The following CCSER1 variants were observed in gnomAD, a reference collection of about 807,000 sequenced individuals.
CCSER1 encodes the protein serine-rich coiled-coil domain-containing protein 1.
A neutral mutation model predicts 82.0 loss-of-function variants in CCSER1; 41 were observed. That is an observed-to-expected ratio of 0.50 (90% confidence interval 0.39 to 0.65). The LOEUF (loss-of-function observed/expected upper bound fraction) is 0.65, where lower values mean the gene tolerates loss of function less well. Ranked by LOEUF, CCSER1 falls within the 30% of genes least tolerant of loss-of-function variation. CCSER1 has a pLI of 0.00. For missense variants in CCSER1, 1,119 were observed against 1,064.2 expected, an observed-to-expected ratio of 1.05 and a Z score of -0.72; for synonymous variants, 414 against 383.9, an observed-to-expected ratio of 1.08 and a Z score of -0.92.
chr4:90,402,677 C>G lies in CCSER1; in HGVS notation c.1603+2548C>G, dbSNP rs533008942. Among the ~76,000 whole-genome samples, 132 of 152,234 alleles carry G rather than the reference C, an allele frequency of 8.7e-4. 1 individual carries two copies. Among genetic ancestry groups the G allele is most frequent in the Admixed American group, 2.6e-4 (4 of 15,294 alleles). On this transcript the variant is annotated intron_variant, in intron 4 of 10. Coordinates refer to ENST00000509176, the MANE Select transcript of CCSER1 (RefSeq NM_001145065.2). ...AACACTACAGTTAACATAGCAGTCT[C>G]AATTATGTTTGGTAGTCAACCACAA... is the stretch of plus-strand genomic sequence containing the variant.
intron 10 of CCSER1, among the ~76,000 whole-genome samples, chr4:91,155,138 G>A (rs767086188): frequency 1.3e-5 from 2 of 151,804 alleles, no homozygotes; most frequent in Non-Finnish European, 2.9e-5. Context: ...ATTTGGAAAT[G>A]TGATATGGTT....
At chr4:91,169,512 T>G (rs1732533852) in intron 10 of CCSER1, among the ~76,000 whole-genome samples, 1 of 152,106 alleles carries the variant, frequency 6.6e-6, no homozygotes, top group South Asian at 2.1e-4. Context: ...TCCCAGCTAC[T>G]CAGGAGGCTG....
intron 10 of CCSER1, among the ~76,000 whole-genome samples, chr4:91,517,745 C>CATGTGTGT (rs1491400951): frequency 8.3e-6 from 1 of 121,086 alleles, no homozygotes; most frequent in African/African-American, 3.3e-5. Flanking sequence ...AGTTCTTTCT[C>CATGTGTGT]GTGTGTGTGT....
intron 10 of CCSER1, among the ~76,000 whole-genome samples, chr4:91,331,390 C>G (rs746191804): frequency 6.6e-6 from 1 of 151,976 alleles, no homozygotes; most frequent in Non-Finnish European, 1.5e-5. Flanking sequence ...TGTAAGAAAC[C>G]CCTAAGGTAT....
chr4:91,393,290 G>C (rs1052591970), intron 10 of CCSER1, among the ~76,000 whole-genome samples: 1 of 151,832 alleles, frequency 6.6e-6, no homozygotes, highest in African/African-American at 2.4e-5. Context: ...ATAAAAATTA[G>C]AAAAGAATAT....
chr4:90,836,932 G>A (rs1761876722), intron 8 of CCSER1, among the ~76,000 whole-genome samples: 1 of 152,208 alleles, frequency 6.6e-6, no homozygotes, highest in East Asian at 1.9e-4. Flanking sequence ...ATGTACCAGT[G>A]TGGCATTTGC....
At chr4:90,700,559 G>T (rs1459848656) in intron 6 of CCSER1, among the ~76,000 whole-genome samples, 3 of 151,880 alleles carry the variant, frequency 2.0e-5, no homozygotes, top group Non-Finnish European at 2.9e-5. Context: ...TTGAGGAATT[G>T]CCACACTGTC....
intron 5 of CCSER1, among the ~76,000 whole-genome samples, chr4:90,591,443 A>G (rs938689196): frequency 6.6e-6 from 1 of 152,182 alleles, no homozygotes; most frequent in Non-Finnish European, 1.5e-5. Context: ...AAAGCTCACC[A>G]TCACTGGTCA....
At chr4:90,690,725 T>G (rs1224329679) in intron 6 of CCSER1, among the ~76,000 whole-genome samples, 2 of 152,184 alleles carry the variant, frequency 1.3e-5, no homozygotes, top group African/African-American at 2.4e-5. Context: ...AGGAGCCACC[T>G]TATTGCCTCC....
chr4:91,384,593 A>C (rs1751154826), intron 10 of CCSER1, among the ~76,000 whole-genome samples: 1 of 152,080 alleles, frequency 6.6e-6, no homozygotes, highest in African/African-American at 2.4e-5. Flanking sequence ...GAGAGAATTA[A>C]ATGTAAACAA....
intron 10 of CCSER1, among the ~76,000 whole-genome samples, chr4:91,290,151 T>C (rs1194330483): frequency 6.6e-6 from 1 of 151,722 alleles, no homozygotes; most frequent in Non-Finnish European, 1.5e-5. Flanking sequence ...GGAAGGGAAA[T>C]TGAAGTTTTT....
At chr4:91,440,115 C>T (rs575018537) in intron 10 of CCSER1, among the ~76,000 whole-genome samples, 3 of 152,160 alleles carry the variant, frequency 2.0e-5, no homozygotes, top group Admixed American at 2.0e-4. Flanking sequence ...CCAAGTGGAC[C>T]TAATAGACAT....
At chr4:91,175,414 G>A (rs1733229885) in intron 10 of CCSER1, among the ~76,000 whole-genome samples, 1 of 152,152 alleles carries the variant, frequency 6.6e-6, no homozygotes, top group Non-Finnish European at 1.5e-5. Flanking sequence ...TTCCACAATG[G>A]TTGAACTAGT....
intron 10 of CCSER1, among the ~76,000 whole-genome samples, chr4:91,523,132 A>C (rs934282371): frequency 6.6e-6 from 1 of 151,608 alleles, no homozygotes; most frequent in Non-Finnish European, 1.5e-5. Context: ...TTGAGATAAT[A>C]ATGTGGTTTT....
At chr4:91,540,565 CTA>C (rs1304573567) in intron 10 of CCSER1, among the ~76,000 whole-genome samples, 4 of 152,136 alleles carry the variant, frequency 2.6e-5, no homozygotes. Context: ...TTAATGAAGA[CTA>C]GTTTATCAAT....
At chr4:90,306,762 G>C (rs528125097) in intron 1 of CCSER1, among the ~76,000 whole-genome samples, 2 of 152,106 alleles carry the variant, frequency 1.3e-5, no homozygotes, top group Admixed American at 1.3e-4. Context: ...TGGTTGTAAA[G>C]ACTAAGAAAT....
intron 10 of CCSER1, among the ~76,000 whole-genome samples, chr4:91,533,262 A>C (rs1015013831): frequency 2.6e-5 from 4 of 152,180 alleles, no homozygotes; most frequent in Non-Finnish European, 5.9e-5. Flanking sequence ...TGAAAATATG[A>C]TTAATGTGTA....
rs1234544151 is a variant in CCSER1 at position 90,228,756 on chromosome 4, C to A, written c.-41-79488C>A. The stretch of plus-strand genomic sequence containing the variant: ...TAGAAGAATGTATAACTAGAATAAC[C>A]AATACAGAGAAGTGCTTAAAGGAGC... On this transcript the variant is annotated intron_variant, in intron 1 of 10. Coordinates refer to ENST00000509176, the MANE Select transcript of CCSER1 (RefSeq NM_001145065.2). Among the ~76,000 whole-genome samples the A allele has an allele frequency of 2.0e-5, 3 of 152,052 alleles. No homozygotes were observed. In the East Asian group the frequency reaches 5.8e-4, roughly 29 times the overall value.
intron 5 of CCSER1, among the ~76,000 whole-genome samples, chr4:90,586,691 AC>A (rs1353666836): frequency 6.6e-6 from 1 of 152,216 alleles, no homozygotes; most frequent in Non-Finnish European, 1.5e-5. Flanking sequence ...TCTTTAGATT[AC>A]TTTAAATAAA....
Sources: allele counts gnomAD v4.1 joint callset (sites outside exome capture counted in the v4.1 genomes callset), GRCh38; gene constraint gnomAD v4.1.1; transcripts MANE v1.5; gene names NCBI Gene and HGNC (gene_info 2026-07-23, HGNC 2026-07-21).